The following HIF1A variants were observed in gnomAD, a reference collection of about 807,000 sequenced individuals.
HIF1A encodes the protein hypoxia-inducible factor 1-alpha.
Under a neutral mutation model 92.7 loss-of-function variants are expected in HIF1A, and 24 were observed. The observed-to-expected ratio is 0.26, with a 90% CI of 0.19 to 0.36. HIF1A has a LOEUF of 0.36. Among genes scored for constraint, HIF1A ranks in the 10% least tolerant of loss-of-function variants. The probability of loss-of-function intolerance (pLI) is 1.00; values close to 1 mark genes in which losing one functional copy is unlikely to be tolerated. For synonymous variants in HIF1A, 319 were observed against 338.7 expected, an observed-to-expected ratio of 0.94 and a Z score of 0.64; for missense variants, 799 against 998.5, an observed-to-expected ratio of 0.80 and a Z score of 2.69.
chr14:61,723,432 G>A (rs1340222802), intron 4 of HIF1A, among the ~76,000 whole-genome samples: 1 of 152,208 alleles, frequency 6.6e-6, no homozygotes, highest in Non-Finnish European at 1.5e-5. Context: ...TGGCTTCAGA[G>A]TCCACGCTCA....
chr14:61,727,077 C>T (rs2044514964), intron 5 of HIF1A, among the ~76,000 whole-genome samples: 1 of 152,198 alleles, frequency 6.6e-6, no homozygotes, highest in Admixed American at 6.5e-5. Context: ...TTGCCAGCCA[C>T]ACAATATTTG....
rs774949585 is a variant in HIF1A, at chr14:61,734,131, C to T, written c.881-7C>T. ...CTCTGCATGATTCTTTTTCTTTTCC[C>T]CCCTAGTGTTTACTAAAGGACAAGT... is the stretch of plus-strand genomic sequence containing the variant. On this transcript the variant is annotated splice_region_variant and splice_polypyrimidine_tract_variant and intron_variant, in intron 7 of 14. Coordinates refer to ENST00000337138, the MANE Select transcript of HIF1A (RefSeq NM_001530.4). The T allele has an allele frequency of 2.6e-6, 4 of 1,534,882 alleles. No homozygotes were observed. Among genetic ancestry groups the T allele is most frequent in the African/African-American group, 2.8e-5 (2 of 71,542 alleles).
chr14:61,702,439 C>CAA (rs149442775), intron 1 of HIF1A, among the ~76,000 whole-genome samples: 9 of 78,792 alleles, frequency 1.1e-4, no homozygotes, highest in Non-Finnish European at 1.3e-4. Flanking sequence ...ATGCTGTCTC[C>CAA]AAAAAAAAAA....
Position 61,719,244 on chromosome 14 carries a change from C to T in HIF1A, c.36-1138C>T, listed in dbSNP as rs572030237. 2.0e-5 allele frequency among the ~76,000 whole-genome samples: 3 copies of T among 152,264 alleles called. No individual in the cohort carries two copies. In the South Asian group the frequency reaches 6.2e-4, roughly 32 times the overall value. Reference sequence around the variant, plus strand: ...ACTAAATCATAATAGCTGTTTTTAACATTTGGTGAAGAATCTATTTAACAG... The same window carrying T: ...ACTAAATCATAATAGCTGTTTTTAATATTTGGTGAAGAATCTATTTAACAG... On this transcript the variant is annotated intron_variant, in intron 1 of 14. Coordinates refer to ENST00000337138, the MANE Select transcript of HIF1A (RefSeq NM_001530.4).
intron 6 of HIF1A, among the ~76,000 whole-genome samples, chr14:61,730,599 CT>C (rs1594878379): frequency 1.3e-5 from 2 of 152,246 alleles, no homozygotes; most frequent in East Asian, 3.9e-4. Context: ...TTTCCTTTGT[CT>C]CTAGTCATAA....
chr14:61,743,952 A>T (rs2044744977), intron 12 of HIF1A, among the ~76,000 whole-genome samples: 2 of 152,188 alleles, frequency 1.3e-5, no homozygotes, highest in Admixed American at 1.3e-4. Flanking sequence ...TCAGGGTTCT[A>T]ATTTATAAAA....
At chr14:61,735,356 T>C (rs2044623014) in intron 8 of HIF1A, among the ~76,000 whole-genome samples, 1 of 152,174 alleles carries the variant, frequency 6.6e-6, no homozygotes, top group Non-Finnish European at 1.5e-5. Flanking sequence ...CCTTTAATGT[T>C]TTAATATTAG....
intron 1 of HIF1A, among the ~76,000 whole-genome samples, chr14:61,707,271 C>G (rs918201832): frequency 6.6e-6 from 1 of 150,654 alleles, no homozygotes; most frequent in East Asian, 2.0e-4. Context: ...CTTCATAAAT[C>G]AGAAACTCTG....
intron 1 of HIF1A, among the ~76,000 whole-genome samples, chr14:61,718,173 C>T (rs2044384813): frequency 6.6e-6 from 1 of 151,978 alleles, no homozygotes; most frequent in Non-Finnish European, 1.5e-5. Flanking sequence ...AACACTTTGG[C>T]CAGGCACAAT....
At chr14:61,741,362 T>G (rs1440009876) in intron 12 of HIF1A, among the ~76,000 whole-genome samples, 174 bp downstream of exon 12, 1 of 46,806 alleles carries the variant, frequency 2.1e-5, no homozygotes, top group East Asian at 5.6e-4. Context: ...TTCTTTTTCT[T>G]TCTTTTTTTT....
At chr14:61,727,420 A>C (rs758077542) in intron 5 of HIF1A, 33 bp from the exon 6 acceptor site, 19 of 1,503,122 alleles carry the variant, frequency 1.3e-5, no homozygotes, top group Non-Finnish European at 1.6e-5. Context: ...CATTGTAAAT[A>C]TTTTTTTTAA....
intron 4 of HIF1A, among the ~76,000 whole-genome samples, chr14:61,726,109 C>G (rs568817606): frequency 4.6e-5 from 7 of 152,162 alleles, no homozygotes; most frequent in South Asian, 2.1e-4. Context: ...CATGAGCCAC[C>G]GTGCCCTGCC....
rs1033476211 is a variant in HIF1A at position 61,748,031 on chromosome 14, G to A, written c.*946G>A. On this transcript the variant is annotated 3_prime_UTR_variant, in exon 15 of 15. Coordinates refer to ENST00000337138, the MANE Select transcript of HIF1A (RefSeq NM_001530.4). ...TATGTTAATTTGCTCAAAATACAAT[G>A]TTTGATTTTATGCACTTTGTCGCTA... 4.6e-5 allele frequency: 7 copies of A among 152,324 alleles called. No individual in the cohort carries two copies. Among genetic ancestry groups the A allele is most frequent in the African/African-American group, 1.7e-4 (7 of 41,382 alleles). 9.4% of individuals were successfully genotyped at this position (152,324 alleles called of 1,614,324 possible).
At chr14:61,725,422 T>A (rs199524122) in intron 4 of HIF1A, among the ~76,000 whole-genome samples, 8 of 19,688 alleles carry the variant, frequency 4.1e-4, no homozygotes, top group Admixed American at 2.1e-3. Context: ...TTTTTTTTAA[T>A]TTTTTTTTTT....
At position 61,746,963 on chromosome 14, in the gene HIF1A, A is replaced by G. The variant is rs761301966; in HGVS notation, c.2359A>G (p.Met787Val). The G allele has an allele frequency of 3.5e-5, 57 of 1,612,708 alleles. No individual in the cohort carries two copies. Among genetic ancestry groups the G allele is most frequent in the Non-Finnish European group, 4.0e-5 (47 of 1,179,566 alleles). The change falls in exon 15 of 15, where the codon ATG becomes GTG. Residue 787 changes from methionine to valine, a missense_variant. By Grantham distance (21) the Met-to-Val change is conservative. Around this residue, in one of 2 missense-constraint regions of HIF1A, gnomAD observed 283 missense variants for 277.5 expected, o/e 1.02. Coordinates refer to ENST00000337138, the MANE Select transcript of HIF1A (RefSeq NM_001530.4). ...AGCATGTAGACTGCTGGGGCAATCA[A>G]TGGATGAAAGTGGATTACCACAGCT... is the stretch of plus-strand genomic sequence containing the variant. ...DLACRLLGQS[M>V]DESGLPQLTS... is the part of the protein sequence containing the mutation.
chr14:61,748,255 C>G lies in HIF1A; in HGVS notation c.*1170C>G, dbSNP rs1487616499. On this transcript the variant is annotated 3_prime_UTR_variant, in exon 15 of 15. Transcript: ENST00000337138. ...CATCAAATAAACATCTTCTGTGGAC[C>G]AGGCCCCTTTGATCAGCTTTTATGT... 2.0e-5 allele frequency: 3 copies of G among 152,400 alleles called. No individual in the cohort carries two copies. Among genetic ancestry groups the G allele is most frequent in the Non-Finnish European group, 4.4e-5 (3 of 67,960 alleles). 9.4% of individuals were successfully genotyped at this position (152,400 alleles called of 1,614,324 possible). A position where few individuals can be genotyped will look rare whatever the true frequency, so the allele number is the denominator to read the frequency against.
chr14:61,742,976 A>G (rs922955270), intron 12 of HIF1A, among the ~76,000 whole-genome samples: 5 of 150,048 alleles, frequency 3.3e-5, no homozygotes, highest in Non-Finnish European at 5.9e-5. Flanking sequence ...ACAGTTTACT[A>G]TCAGCTACAG....
chr14:61,707,319 ATTATAC>A (rs2044250736), intron 1 of HIF1A, among the ~76,000 whole-genome samples: 1 of 151,372 alleles, frequency 6.6e-6, no homozygotes, highest in Admixed American at 6.6e-5. Context: ...TTTTTTCTTT[ATTATAC>A]TTTAAGTTTT....
At chr14:61,732,361 T>A (rs2044586301) in intron 6 of HIF1A, 57 bp from the exon 7 acceptor site, 1 of 1,142,848 alleles carries the variant, frequency 8.8e-7, no homozygotes, top group Non-Finnish European at 1.3e-6. Flanking sequence ...AGGAGAAAAA[T>A]TTTTCTTTAT....
Sources: allele counts gnomAD v4.1 joint callset (sites outside exome capture counted in the v4.1 genomes callset), GRCh38; gene constraint gnomAD v4.1.1; regional missense constraint gnomAD v4.1.1; transcripts MANE v1.5; gene names NCBI Gene and HGNC (gene_info 2026-07-23, HGNC 2026-07-21).